The following SSX5 variants were observed in gnomAD, a reference collection of about 807,000 sequenced individuals.
SSX5 encodes the protein SSX family member 5, also known as protein SSX5.
Under a neutral mutation model 14.9 loss-of-function variants are expected in SSX5, and 14 were observed. The observed-to-expected ratio is 0.94, with a 90% CI of 0.62 to 1.47. The LOEUF (loss-of-function observed/expected upper bound fraction) is 1.47. Among genes scored for constraint, SSX5 ranks in the 40% most tolerant of loss-of-function variants. The pLI is 0.00. For synonymous variants in SSX5, 70 were observed against 55.4 expected, an observed-to-expected ratio of 1.26 and a Z score of -1.17; for missense variants, 204 against 154.6, an observed-to-expected ratio of 1.32 and a Z score of -1.70.
chrX:48,195,076 C>T lies in SSX5; in HGVS notation c.69+214G>A, dbSNP rs143107284. On this transcript the variant is annotated intron_variant, in intron 2 of 7. Transcript: ENST00000347757. ...CTGGCTCTCTTCCCACCTTCCAGAA[C>T]GGACTGAGATTCACCAAATGTATTC... 505 of 1,209,739 alleles carry T rather than the reference C, an allele frequency of 4.2e-4. 1 individual carries two copies. In the African/African-American group the frequency reaches 6.9e-3, roughly 16 times the overall value.
chrX:48,186,690 T>C lies in SSX5; in HGVS notation c.*171A>G. ...ACAAAATACAACAGAAACACTAACA[T>C]CGAACTCTTGGCACACTAAGAAAAA... On this transcript the variant is annotated 3_prime_UTR_variant, in exon 8 of 8. Transcript: ENST00000347757. 1 of 954,566 alleles carries C rather than the reference T, an allele frequency of 1.0e-6. No individual in the cohort carries two copies. Among genetic ancestry groups the C allele is most frequent in the Non-Finnish European group, 1.5e-6 (1 of 684,998 alleles). 78.7% of individuals were successfully genotyped at this position (954,566 alleles called of 1,213,427 possible).
intron 5 of SSX5, among the ~76,000 whole-genome samples, chrX:48,191,332 T>C (rs1358559305): frequency 8.9e-6 from 1 of 111,922 alleles, no homozygotes; most frequent in Admixed American, 9.5e-5. Context: ...ATTAATACCT[T>C]TCATGATCCT....
In SSX5 at chrX:48,187,611, C is replaced by A. The variant is rs1246901872; in HGVS notation, c.*4+16G>T. 40 of 1,202,807 alleles carry A rather than the reference C, an allele frequency of 3.3e-5. No individual in the cohort carries two copies. Among genetic ancestry groups the A allele is most frequent in the Non-Finnish European group, 4.3e-5 (38 of 889,138 alleles). On this transcript the variant is annotated intron_variant, in intron 7 of 7. Coordinates refer to ENST00000347757, the MANE Select transcript of SSX5 (RefSeq NM_175723.2). ...CATCTGCAAGGATGTGGGAGATGAG[C>A]CAAAGGTTCACTTACGGAGTTACTC... is the stretch of plus-strand genomic sequence containing the variant.
intron 6 of SSX5, 48 bp downstream of exon 6, chrX:48,190,085 C>T: frequency 8.3e-7 from 1 of 1,202,646 alleles, no homozygotes; most frequent in Non-Finnish European, 1.1e-6. Flanking sequence ...CACACCTGAA[C>T]TTAGCGAGAA....
chrX:48,192,116 T>C (rs2059422349), intron 5 of SSX5, 116 bp downstream of exon 5: 18 of 1,117,694 alleles, frequency 1.6e-5, no homozygotes, highest in Non-Finnish European at 2.1e-5. Context: ...GGTGTTGTGA[T>C]AGACATAGGG....
At chrX:48,187,450 G>T (rs1251782732) in intron 7 of SSX5, among the ~76,000 whole-genome samples, 177 bp downstream of exon 7, 1 of 109,926 alleles carries the variant, frequency 9.1e-6, no homozygotes, top group East Asian at 2.9e-4. Context: ...AACAAAAGGA[G>T]ACTCCCCCAC....
chrX:48,187,568 T>G (rs1411813115), intron 7 of SSX5, 59 bp downstream of exon 7: 2 of 1,138,596 alleles, frequency 1.8e-6, no homozygotes, highest in African/African-American at 3.6e-5. Flanking sequence ...GGGATACCAG[T>G]ACCATAACAG....
intron 5 of SSX5, 128 bp downstream of exon 5, chrX:48,192,104 C>A: frequency 1.3e-5 from 14 of 1,065,729 alleles, no homozygotes; most frequent in Non-Finnish European, 1.8e-5. Context: ...GGTGCTACAT[C>A]AGGTGTTGTG....
chrX:48,186,785 C>T lies in SSX5; in HGVS notation c.*76G>A. The T allele has an allele frequency of 8.4e-7, 1 of 1,197,420 alleles. No homozygotes were observed. The highest frequency in any genetic ancestry group is 1.1e-6 in the Non-Finnish European group (1 of 894,589). ...TATACACCTGATGACGAGGGATCCGCAGCCATGCCCATGTTCGTGAAAGGT... is the reference window on the plus strand; with the variant it reads ...TATACACCTGATGACGAGGGATCCGTAGCCATGCCCATGTTCGTGAAAGGT... On this transcript the variant is annotated 3_prime_UTR_variant, in exon 8 of 8. Coordinates refer to ENST00000347757, the MANE Select transcript of SSX5 (RefSeq NM_175723.2).
Position 48,186,372 on chromosome X carries a change from GT to G in SSX5, c.*488del. 5.4e-6 allele frequency: 1 copy of G among 183,809 alleles called. No individual in the cohort carries two copies. The highest frequency in any genetic ancestry group is 9.5e-6 in the Non-Finnish European group (1 of 105,774). 15.1% of individuals were successfully genotyped at this position (183,809 alleles called of 1,213,427 possible). ...ATGCCTATACTGGTACTTGGTGTGTGTGTGTGTGTGTGTGTGTGTGTGTGTG... is the reference window on the plus strand; with the variant it reads ...ATGCCTATACTGGTACTTGGTGTGTGGTGTGTGTGTGTGTGTGTGTGTGTG... On this transcript the variant is annotated 3_prime_UTR_variant, in exon 8 of 8. Coordinates refer to ENST00000347757, the MANE Select transcript of SSX5 (RefSeq NM_175723.2).
chrX:48,191,066 C>G (rs1262562675), intron 5 of SSX5, among the ~76,000 whole-genome samples: 2 of 109,904 alleles, frequency 1.8e-5, no homozygotes, highest in African/African-American at 3.3e-5. Context: ...TACCACGCCC[C>G]GCTAAGTTTT....
At chrX:48,188,563 C>T (rs1556924219) in intron 6 of SSX5, among the ~76,000 whole-genome samples, 2 of 112,366 alleles carry the variant, frequency 1.8e-5, no homozygotes, top group African/African-American at 6.5e-5. Flanking sequence ...GAGCTCTTCC[C>T]TGCCTCTCTT....
intron 1 of SSX5, among the ~76,000 whole-genome samples, 195 bp downstream of exon 1, chrX:48,196,536 G>A (rs1164811955): frequency 2.7e-5 from 3 of 109,706 alleles, no homozygotes; most frequent in Non-Finnish European, 5.7e-5. Context: ...GAGCCACCGC[G>A]CCCCGCCCAA....
In SSX5 at chrX:48,186,684, C is replaced by T. The variant is rs2059398927; in HGVS notation, c.*177G>A. On this transcript the variant is annotated 3_prime_UTR_variant, in exon 8 of 8. Transcript: ENST00000347757. ...ACTGTAACAAAATACAACAGAAACACTAACATCGAACTCTTGGCACACTAA... is the reference window on the plus strand; with the variant it reads ...ACTGTAACAAAATACAACAGAAACATTAACATCGAACTCTTGGCACACTAA... 2 of 923,853 alleles carry T rather than the reference C, an allele frequency of 2.2e-6. No homozygotes were observed. Among genetic ancestry groups the T allele is most frequent in the Non-Finnish European group, 3.0e-6 (2 of 659,272 alleles). The allele number at this position is 923,853 out of a possible 1,213,427, so 76.1% of individuals were successfully genotyped here.
At chrX:48,187,268 A>G (rs782709089) in intron 7 of SSX5, among the ~76,000 whole-genome samples, 23 of 110,999 alleles carry the variant, frequency 2.1e-4, no homozygotes, top group African/African-American at 7.2e-4. Context: ...ATTCTGGCTG[A>G]CATGGCGAAA....
At chrX:48,196,512 G>A (rs2059441961) in intron 1 of SSX5, among the ~76,000 whole-genome samples, 1 of 108,954 alleles carries the variant, frequency 9.2e-6, no homozygotes, top group East Asian at 2.9e-4. Flanking sequence ...CAAAACTGCT[G>A]GGATTACAAG....
At position 48,186,399 on chromosome X, in the gene SSX5, TGTGTGCGC is replaced by T. The variant is rs797038372; in HGVS notation, c.*454_*461del. 2,848 of 227,266 alleles carry T rather than the reference TGTGTGCGC, an allele frequency of 0.013. 76 individuals carry two copies. Among genetic ancestry groups the T allele is most frequent in the East Asian group, 0.11 (1,113 of 9,868 alleles). 18.7% of individuals were successfully genotyped at this position (227,266 alleles called of 1,213,427 possible). ...GTGTGTGTGTGTGTGTGTGTGTGTGTGTGTGCGCGCGCGCGCGCATGTGTGTCTGTGTG... is the reference window on the plus strand; with the variant it reads ...GTGTGTGTGTGTGTGTGTGTGTGTGTGCGCGCGCGCATGTGTGTCTGTGTG... On this transcript the variant is annotated 3_prime_UTR_variant, in exon 8 of 8. Coordinates refer to ENST00000347757, the MANE Select transcript of SSX5 (RefSeq NM_175723.2).
chrX:48,194,920 G>A (rs1300889058), intron 2 of SSX5, 66 bp from the exon 3 acceptor site: 53 of 1,203,663 alleles, frequency 4.4e-5, no homozygotes, highest in Middle Eastern at 4.6e-4. Flanking sequence ...AGCTGGAGCC[G>A]CTTCCTGTGT....
rs782282175 is a variant in SSX5, at chrX:48,186,774, C to T, written c.*87G>A. 7.6e-5 allele frequency: 91 copies of T among 1,194,086 alleles called. 1 individual carries two copies. The highest frequency in any genetic ancestry group is 3.2e-4 in the Middle Eastern group (1 of 3,123). On this transcript the variant is annotated 3_prime_UTR_variant, in exon 8 of 8. Transcript: ENST00000347757. ...CTTTCACTTGCTATACACCTGATGA[C>T]GAGGGATCCGCAGCCATGCCCATGT...
Sources: allele counts gnomAD v4.1 joint callset (sites outside exome capture counted in the v4.1 genomes callset), GRCh38; gene constraint gnomAD v4.1.1; transcripts MANE v1.5; gene names NCBI Gene and HGNC (gene_info 2026-07-23, HGNC 2026-07-21).